The following TAOK3 variants were observed in gnomAD, a reference collection of about 807,000 sequenced individuals.
The protein encoded by TAOK3 is TAO kinase 3, also known as serine/threonine-protein kinase TAO3.
Under a neutral mutation model 120.4 loss-of-function variants are expected in TAOK3, and 40 were observed. The ratio of observed to expected loss-of-function variants is 0.33; its 90% CI spans 0.26 to 0.43. TAOK3 has a LOEUF of 0.43. Ranked by LOEUF, TAOK3 falls within the 20% of genes least tolerant of loss-of-function variation. TAOK3 has a pLI of 1.00. For missense variants in TAOK3, 821 were observed against 1,112.1 expected, an observed-to-expected ratio of 0.74 and a Z score of 3.72; for synonymous variants, 355 against 387.5, an observed-to-expected ratio of 0.92 and a Z score of 0.99.
chr12:118,368,215 G>C (rs1278071127), intron 1 of TAOK3, among the ~76,000 whole-genome samples: 1 of 152,030 alleles, frequency 6.6e-6, no homozygotes, highest in African/African-American at 2.4e-5. Context: ...ATTATTTTTT[G>C]AGACGGAGTC....
chr12:118,333,045 C>G (rs2044217998), intron 1 of TAOK3, among the ~76,000 whole-genome samples: 1 of 151,624 alleles, frequency 6.6e-6, no homozygotes, highest in Non-Finnish European at 1.5e-5. Flanking sequence ...TGCTTGGGGG[C>G]TTGAACACTC....
At chr12:118,320,586 T>C (rs943902073) in intron 1 of TAOK3, among the ~76,000 whole-genome samples, 1 of 152,184 alleles carries the variant, frequency 6.6e-6, no homozygotes, top group Non-Finnish European at 1.5e-5. Context: ...TTATGATTGA[T>C]TGGACACATA....
intron 1 of TAOK3, among the ~76,000 whole-genome samples, chr12:118,311,931 T>A (rs1278877490): frequency 6.6e-6 from 1 of 151,722 alleles, no homozygotes; most frequent in Non-Finnish European, 1.5e-5. Context: ...GGGAGAAAAA[T>A]AAAACCACTA....
chr12:118,362,424 G>A (rs1170203225), intron 1 of TAOK3, among the ~76,000 whole-genome samples: 1 of 152,016 alleles, frequency 6.6e-6, no homozygotes, highest in Non-Finnish European at 1.5e-5. Context: ...CCATCCTGGG[G>A]TGCATGCAGC....
chr12:118,325,023 G>A (rs1249138310), intron 1 of TAOK3, among the ~76,000 whole-genome samples: 1 of 152,086 alleles, frequency 6.6e-6, no homozygotes, highest in Non-Finnish European at 1.5e-5. Flanking sequence ...TGGGATTACA[G>A]GCGTGAGCCA....
At chr12:118,302,310 G>C (rs150161721) in intron 1 of TAOK3, among the ~76,000 whole-genome samples, 2 of 152,230 alleles carry the variant, frequency 1.3e-5, no homozygotes, top group African/African-American at 4.8e-5. Flanking sequence ...ATAGCCTGGA[G>C]GGTTTTGGCA....
chr12:118,207,112 A>C (rs2038362625), intron 11 of TAOK3, among the ~76,000 whole-genome samples: 1 of 152,056 alleles, frequency 6.6e-6, no homozygotes, highest in Admixed American at 6.6e-5. Context: ...GGATCATCTG[A>C]GGTCAGGAGT....
chr12:118,169,817 T>C (rs1388228304), intron 17 of TAOK3, among the ~76,000 whole-genome samples: 1 of 151,790 alleles, frequency 6.6e-6, no homozygotes, highest in African/African-American at 2.4e-5. Context: ...GCCTCCCGGG[T>C]TCACGCCATT....
intron 1 of TAOK3, among the ~76,000 whole-genome samples, chr12:118,310,955 A>C (rs931268997): frequency 2.6e-5 from 4 of 152,206 alleles, no homozygotes; most frequent in Non-Finnish European, 5.9e-5. Flanking sequence ...TTTAATCTAT[A>C]TCCACAAATA....
rs200161693 is a variant in TAOK3, at chr12:118,254,561, TA to T, written c.120+886del. 6.9e-3 allele frequency among the ~76,000 whole-genome samples: 1,053 copies of T among 152,278 alleles called. 15 individuals carry two copies. Among genetic ancestry groups the T allele is most frequent in the African/African-American group, 0.024 (982 of 41,558 alleles). ...GTTATGAAATCATAAAGTATTGATTTAGGGGTGGAGTCTTGAACAGTAAAGG... is the reference window on the plus strand; with the variant it reads ...GTTATGAAATCATAAAGTATTGATTTGGGGTGGAGTCTTGAACAGTAAAGG... On this transcript the variant is annotated intron_variant, in intron 3 of 20. Transcript: ENST00000392533.
chr12:118,372,161 G>A lies in TAOK3; in HGVS notation c.-194+487C>T, dbSNP rs1593734979. Among the ~76,000 whole-genome samples the A allele has an allele frequency of 6.7e-6, 1 of 148,818 alleles. No homozygotes were observed. ...TCTCTGGGTCCCCTCCCCTCACCTCGGGGTCTCCTCTCCCCGGGTGCTGTC... is the reference window on the plus strand; with the variant it reads ...TCTCTGGGTCCCCTCCCCTCACCTCAGGGTCTCCTCTCCCCGGGTGCTGTC... On this transcript the variant is annotated intron_variant, in intron 1 of 20. Transcript: ENST00000392533. The surrounding 1 kb of genome is among the most constrained non-coding windows in gnomAD (Gnocchi z 4.6).
chr12:118,313,593 T>C (rs2140878246), intron 1 of TAOK3, among the ~76,000 whole-genome samples: 1 of 152,348 alleles, frequency 6.6e-6, no homozygotes, highest in African/African-American at 2.4e-5. Context: ...CTGTTTCTTA[T>C]AACTTCAACT....
At chr12:118,366,524 G>A (rs144656799) in intron 1 of TAOK3, among the ~76,000 whole-genome samples, 21 of 152,238 alleles carry the variant, frequency 1.4e-4, no homozygotes, top group African/African-American at 4.8e-4. Flanking sequence ...CCCTGTTTGA[G>A]TGGAAATAAA....
chr12:118,212,822 T>C, intron 11 of TAOK3, 92 bp downstream of exon 11: 1 of 866,190 alleles, frequency 1.2e-6, no homozygotes, highest in Non-Finnish European at 1.8e-6. Flanking sequence ...TAAACCACTT[T>C]GTCATGATGA....
chr12:118,180,270 TCG>T (rs1477657226), intron 15 of TAOK3, among the ~76,000 whole-genome samples: 2 of 149,054 alleles, frequency 1.3e-5, no homozygotes, highest in Middle Eastern at 6.6e-3. Flanking sequence ...AGACAGGGTC[TCG>T]CTCTGTCACC....
chr12:118,360,623 G>T (rs1406251243), intron 1 of TAOK3, among the ~76,000 whole-genome samples: 2 of 150,392 alleles, frequency 1.3e-5, no homozygotes, highest in African/African-American at 4.9e-5. Flanking sequence ...CTTACTAATT[G>T]GCTTCTATGT....
At chr12:118,255,689 T>A (rs2040951381) in intron 2 of TAOK3, 34 bp from the exon 3 acceptor site, 1 of 1,058,646 alleles carries the variant, frequency 9.4e-7, no homozygotes, top group African/African-American at 1.6e-5. Context: ...TTAAATTATT[T>A]CTAACACATT....
intron 20 of TAOK3, among the ~76,000 whole-genome samples, 183 bp downstream of exon 20, chr12:118,152,044 C>T (rs1332775955): frequency 6.6e-6 from 1 of 152,140 alleles, no homozygotes; most frequent in Non-Finnish European, 1.5e-5. Context: ...ACATGCGTGC[C>T]TTGGTGTTTC....
At chr12:118,229,977 G>T (rs2039690541) in intron 9 of TAOK3, among the ~76,000 whole-genome samples, 1 of 151,936 alleles carries the variant, frequency 6.6e-6, no homozygotes, top group South Asian at 2.1e-4. Context: ...TACATGCCAG[G>T]CCATGTTCTA....
Sources: gnomAD v4.1 joint callset for allele counts (sites outside exome capture counted in the v4.1 genomes callset) on GRCh38, gnomAD v4.1.1 for gene constraint, Gnocchi (gnomAD v3.1) non-coding constraint, MANE v1.5 for transcripts, NCBI Gene and HGNC (gene_info 2026-07-23, HGNC 2026-07-21) for gene names.